CTNND2: variants seen among roughly 807,000 people sequenced by gnomAD.
CTNND2 encodes the protein catenin delta-2.
A neutral mutation model predicts 144.4 loss-of-function variants in CTNND2; 22 were observed. That is an observed-to-expected ratio of 0.15 (90% CI 0.11 to 0.22). The LOEUF (loss-of-function observed/expected upper bound fraction) is 0.22. Among genes scored for constraint, CTNND2 ranks in the 10% least tolerant of loss-of-function variants. The pLI is 1.00. For synonymous variants in CTNND2, 751 were observed against 695.6 expected (o/e 1.08, Z -1.25); for missense variants, 1,353 against 1,618.8 (o/e 0.84, Z 2.82).
intron 10 of CTNND2, among the ~76,000 whole-genome samples, chr5:11,208,501 A>T (rs1228637123): frequency 6.6e-6 from 1 of 152,142 alleles, no homozygotes; most frequent in Non-Finnish European, 1.5e-5. Context: ...GAAGAAAAAA[A>T]CTCCAGAAAA....
At chr5:11,528,681 T>C (rs938235387) in intron 3 of CTNND2, among the ~76,000 whole-genome samples, 2 of 151,966 alleles carry the variant, frequency 1.3e-5, no homozygotes, top group Non-Finnish European at 2.9e-5. Flanking sequence ...CACCACAGAG[T>C]ATATGGCCTT....
At chr5:11,423,319 T>C (rs192760921) in intron 3 of CTNND2, among the ~76,000 whole-genome samples, 1 of 152,338 alleles carries the variant, frequency 6.6e-6, no homozygotes, top group East Asian at 1.9e-4. Context: ...AACACTTCAT[T>C]CCCTGATCCT....
At chr5:11,786,599 A>G (rs1033642127) in intron 1 of CTNND2, among the ~76,000 whole-genome samples, 2 of 152,252 alleles carry the variant, frequency 1.3e-5, no homozygotes, top group Admixed American at 1.3e-4. Context: ...AACAAAAATG[A>G]CAAAGACAAT....
chr5:11,636,213 C>T (rs1781696227), intron 2 of CTNND2, among the ~76,000 whole-genome samples: 1 of 152,150 alleles, frequency 6.6e-6, no homozygotes, highest in Non-Finnish European at 1.5e-5. Flanking sequence ...CCCACTTAAG[C>T]TGTTTCTCAG....
chr5:11,359,337 A>G (rs939776611), intron 8 of CTNND2, among the ~76,000 whole-genome samples: 1 of 152,188 alleles, frequency 6.6e-6, no homozygotes, highest in Non-Finnish European at 1.5e-5. Flanking sequence ...ATGTAAAAGT[A>G]AGTCTGTCAT....
At chr5:11,704,435 G>A (rs751340139) in intron 2 of CTNND2, among the ~76,000 whole-genome samples, 4 of 152,216 alleles carry the variant, frequency 2.6e-5, no homozygotes, top group Admixed American at 6.5e-5. Flanking sequence ...ATGAAAATAT[G>A]AATGAGTGCC....
At chr5:11,407,195 T>C (rs1237569998) in intron 5 of CTNND2, among the ~76,000 whole-genome samples, 1 of 152,210 alleles carries the variant, frequency 6.6e-6, no homozygotes, top group Non-Finnish European at 1.5e-5. Flanking sequence ...GGCCCCAAGC[T>C]TCTGTTGGTA....
chr5:11,805,888 AAT>A (rs1478837278), intron 1 of CTNND2, among the ~76,000 whole-genome samples: 1 of 152,250 alleles, frequency 6.6e-6, no homozygotes, highest in East Asian at 1.9e-4. Context: ...ACAATGGAGA[AAT>A]ATGACAAACA....
At chr5:11,352,291 G>T (rs1755406777) in intron 8 of CTNND2, among the ~76,000 whole-genome samples, 1 of 152,164 alleles carries the variant, frequency 6.6e-6, no homozygotes, top group South Asian at 2.1e-4. Context: ...CAAACTGAAT[G>T]TGGGATCATG....
At chr5:10,985,922 A>G (rs1737878829) in intron 20 of CTNND2, among the ~76,000 whole-genome samples, 1 of 152,052 alleles carries the variant, frequency 6.6e-6, no homozygotes, top group South Asian at 2.1e-4. Context: ...CTGCTATCCC[A>G]CCATCACCTC....
At chr5:11,846,019 A>G (rs1481304953) in intron 1 of CTNND2, among the ~76,000 whole-genome samples, 1 of 152,212 alleles carries the variant, frequency 6.6e-6, no homozygotes, top group African/African-American at 2.4e-5. Flanking sequence ...GCCACAAACC[A>G]TAATGATTTC....
chr5:11,585,277 C>T (rs1778758321), intron 2 of CTNND2, among the ~76,000 whole-genome samples: 1 of 152,094 alleles, frequency 6.6e-6, no homozygotes, highest in Non-Finnish European at 1.5e-5. Context: ...GAATCTGCTG[C>T]CTGTAACTGA....
intron 7 of CTNND2, among the ~76,000 whole-genome samples, chr5:11,380,781 C>G (rs767318279): frequency 3.3e-5 from 5 of 152,144 alleles, no homozygotes; most frequent in Admixed American, 1.3e-4. Flanking sequence ...GTTGCCTTAC[C>G]AAGTGCCCAC....
chr5:11,827,048 T>C (rs1377090452), intron 1 of CTNND2, among the ~76,000 whole-genome samples: 1 of 152,056 alleles, frequency 6.6e-6, no homozygotes, highest in Admixed American at 6.6e-5. Context: ...CACTTGGACA[T>C]TGATAAAGAT....
chr5:11,119,506 G>T (rs1285198436), intron 12 of CTNND2, among the ~76,000 whole-genome samples: 1 of 152,222 alleles, frequency 6.6e-6, no homozygotes, highest in East Asian at 1.9e-4. Flanking sequence ...AATCCGTGGT[G>T]GTGGCCAGAG....
chr5:11,255,395 C>T (rs1043129948), intron 9 of CTNND2, among the ~76,000 whole-genome samples: 2 of 152,200 alleles, frequency 1.3e-5, no homozygotes, highest in East Asian at 1.9e-4. Flanking sequence ...CTAGAACTTT[C>T]GACAGGCAAG....
rs750507148 is a variant in CTNND2 at position 11,634,760 on chromosome 5, C to T, written c.175-69704G>A. Among the ~76,000 whole-genome samples, 19 of 152,062 alleles carry T rather than the reference C, an allele frequency of 1.2e-4. 1 individual carries two copies. The highest frequency in any genetic ancestry group is 5.9e-5 in the Non-Finnish European group (4 of 68,016). ...AAGAAAATGAGTCAATGATGGAAAGCAGAAGAATCTTAGAAAAGAGGGAGC... is the reference window on the plus strand; with the variant it reads ...AAGAAAATGAGTCAATGATGGAAAGTAGAAGAATCTTAGAAAAGAGGGAGC... On this transcript the variant is annotated intron_variant, in intron 2 of 21. Transcript: ENST00000304623.
chr5:11,107,957 T>A (rs1705144135), intron 14 of CTNND2, among the ~76,000 whole-genome samples: 1 of 152,208 alleles, frequency 6.6e-6, no homozygotes, highest in African/African-American at 2.4e-5. Context: ...GGCATTGGGC[T>A]AGAAGTCACA....
At chr5:11,601,281 T>A (rs569978076) in intron 2 of CTNND2, among the ~76,000 whole-genome samples, 1 of 152,320 alleles carries the variant, frequency 6.6e-6, no homozygotes, top group South Asian at 2.1e-4. Flanking sequence ...ACTTTTTTTC[T>A]CTTTATGACC....
Sources: allele counts gnomAD v4.1 joint callset (sites outside exome capture counted in the v4.1 genomes callset), GRCh38; gene constraint gnomAD v4.1.1; transcripts MANE v1.5; gene names NCBI Gene and HGNC (gene_info 2026-07-23, HGNC 2026-07-21).